The following PARD3 variants were observed in gnomAD, a reference collection of about 807,000 sequenced individuals.
The protein encoded by PARD3 is par-3 family cell polarity regulator.
PARD3 carries 75 observed loss-of-function variants against 155.4 expected under a neutral mutation model. The observed-to-expected ratio is 0.48, with a 90% CI of 0.40 to 0.58. The LOEUF is 0.58. PARD3 is among the 20% of genes least tolerant of loss of function. The pLI, the probability that PARD3 is intolerant of heterozygous loss-of-function variation, is 0.00. For synonymous variants in PARD3, 576 were observed against 610.5 expected (o/e 0.94, Z 0.83); for missense variants, 1,642 against 1,721.7 (o/e 0.95, Z 0.82).
chr10:34,647,299 T>C (rs940126538), intron 2 of PARD3, among the ~76,000 whole-genome samples: 1 of 152,180 alleles, frequency 6.6e-6, no homozygotes, highest in African/African-American at 2.4e-5. Context: ...CATCCCAGCA[T>C]CTGGAAGAGC....
chr10:34,733,720 G>A (rs544826131), intron 1 of PARD3, among the ~76,000 whole-genome samples: 162 of 152,286 alleles, frequency 1.1e-3, no homozygotes, highest in African/African-American at 3.8e-3. Flanking sequence ...GGCTGGTCTC[G>A]AACTCCTGAC....
intron 2 of PARD3, among the ~76,000 whole-genome samples, chr10:34,590,751 TG>T (rs2088605074): frequency 6.6e-6 from 1 of 152,192 alleles, no homozygotes; most frequent in Admixed American, 6.5e-5. Flanking sequence ...GAACTGGAAG[TG>T]GGCACACCCA....
intron 1 of PARD3, among the ~76,000 whole-genome samples, chr10:34,773,334 T>C (rs1333470479): frequency 6.6e-6 from 1 of 152,238 alleles, no homozygotes; most frequent in Non-Finnish European, 1.5e-5. Flanking sequence ...ATAGACTCTA[T>C]GTTGTTTCTT....
rs142363217 is a variant in PARD3 at position 34,780,201 on chromosome 10, T to A, written c.120+34675A>T. ...TAATTTGCTCTTGACACAACTAACT[T>A]CACAAACTAATCACCAAATACCTTC... is the stretch of plus-strand genomic sequence containing the variant. On this transcript the variant is annotated intron_variant, in intron 1 of 24. Coordinates refer to ENST00000374788, the MANE Select transcript of PARD3 (RefSeq NM_001184785.2). 5.8e-4 allele frequency among the ~76,000 whole-genome samples: 88 copies of A among 152,332 alleles called. No individual in the cohort carries two copies. In the East Asian group the frequency reaches 0.014, roughly 25 times the overall value.
intron 12 of PARD3, among the ~76,000 whole-genome samples, chr10:34,372,244 A>C (rs1840752263): frequency 1.3e-5 from 2 of 152,088 alleles, no homozygotes; most frequent in African/African-American, 4.8e-5. Flanking sequence ...TTTGGTCCTC[A>C]CTTTGCAAGT....
chr10:34,373,273 G>A (rs1840880771), intron 11 of PARD3, among the ~76,000 whole-genome samples: 1 of 151,198 alleles, frequency 6.6e-6, no homozygotes, highest in Admixed American at 6.6e-5. Flanking sequence ...TTAATGAAAA[G>A]CTCACAAGCA....
intron 1 of PARD3, among the ~76,000 whole-genome samples, chr10:34,698,407 GCCTCC>G: frequency 6.6e-6 from 1 of 152,020 alleles, no homozygotes; most frequent in East Asian, 1.9e-4. Flanking sequence ...TGTGCCCAAG[GCCTCC>G]AATGCCTGGA....
At chr10:34,131,696 G>T in intron 22 of PARD3, 113 bp from the exon 23 acceptor site, 3 of 918,624 alleles carry the variant, frequency 3.3e-6, no homozygotes, top group South Asian at 1.5e-5. Context: ...AAGAGAAAGT[G>T]AATTTTTAAA....
chr10:34,690,592 T>C (rs759392213), intron 2 of PARD3, among the ~76,000 whole-genome samples: 1 of 152,166 alleles, frequency 6.6e-6, no homozygotes, highest in East Asian at 1.9e-4. Context: ...TAAATCCTAC[T>C]TGTGCAACAA....
chr10:34,725,344 G>C (rs2094688432), intron 1 of PARD3, among the ~76,000 whole-genome samples: 1 of 151,982 alleles, frequency 6.6e-6, no homozygotes, highest in South Asian at 2.1e-4. Context: ...GTAGAGATGG[G>C]GTTTCACCAT....
intron 1 of PARD3, among the ~76,000 whole-genome samples, chr10:34,768,164 G>A (rs957182674): frequency 6.6e-6 from 1 of 152,166 alleles, no homozygotes; most frequent in Non-Finnish European, 1.5e-5. Flanking sequence ...ATCTGAGACA[G>A]ATCTCGGTCA....
At position 34,674,089 on chromosome 10, in the gene PARD3, T is replaced by C. The variant is rs886418774; in HGVS notation, c.222+22229A>G. 3.3e-5 allele frequency among the ~76,000 whole-genome samples: 5 copies of C among 152,264 alleles called. No individual in the cohort carries two copies. In the East Asian group the frequency reaches 7.7e-4, roughly 23 times the overall value. ...ACAGCACTTAGCCAGAACATAGGTA[T>C]GTTTTAATATTTTTTGATGAACAGT... is the stretch of plus-strand genomic sequence containing the variant. On this transcript the variant is annotated intron_variant, in intron 2 of 24. Coordinates refer to ENST00000374788, the MANE Select transcript of PARD3 (RefSeq NM_001184785.2).
At chr10:34,533,748 G>A (rs999881872) in intron 2 of PARD3, among the ~76,000 whole-genome samples, 13 of 152,026 alleles carry the variant, frequency 8.6e-5, no homozygotes, top group Non-Finnish European at 1.8e-4. Context: ...GGAGGTTACA[G>A]TGAGCCAAGA....
intron 1 of PARD3, among the ~76,000 whole-genome samples, chr10:34,734,466 G>T (rs10827410): frequency 6.6e-6 from 1 of 151,428 alleles, no homozygotes; most frequent in Non-Finnish European, 1.5e-5. Flanking sequence ...CTCCATAGTA[G>T]CTGGGATTAC....
intron 22 of PARD3, among the ~76,000 whole-genome samples, chr10:34,166,118 T>G (rs376058857): frequency 3.1e-4 from 47 of 152,300 alleles, no homozygotes; most frequent in Admixed American, 2.0e-3. Flanking sequence ...GCTGATAAAA[T>G]ATGAAGCTTT....
intron 23 of PARD3, among the ~76,000 whole-genome samples, chr10:34,123,038 A>G (rs1469675409): frequency 6.6e-6 from 1 of 152,252 alleles, no homozygotes; most frequent in Non-Finnish European, 1.5e-5. Context: ...CATAACTGTA[A>G]TAACTCTGGA....
chr10:34,552,797 A>C (rs951251788), intron 2 of PARD3, among the ~76,000 whole-genome samples: 1 of 152,224 alleles, frequency 6.6e-6, no homozygotes, highest in Non-Finnish European at 1.5e-5. Context: ...TTTAAGTTTG[A>C]AGAGACCTTT....
chr10:34,753,918 T>G (rs1262046970), intron 1 of PARD3, among the ~76,000 whole-genome samples: 2 of 152,170 alleles, frequency 1.3e-5, no homozygotes, highest in Non-Finnish European at 2.9e-5. Context: ...TCTAGGATAC[T>G]TTTAAAGTGG....
intron 22 of PARD3, among the ~76,000 whole-genome samples, chr10:34,142,521 C>T (rs1159302468): frequency 2.7e-5 from 4 of 150,208 alleles, no homozygotes; most frequent in Admixed American, 6.7e-5. Flanking sequence ...GGTGAAAGAC[C>T]GAGACTCTGT....
Sources: allele counts gnomAD v4.1 joint callset (sites outside exome capture counted in the v4.1 genomes callset), GRCh38; gene constraint gnomAD v4.1.1; transcripts MANE v1.5; gene names NCBI Gene and HGNC (gene_info 2026-07-23, HGNC 2026-07-21).